The following GAD1 variants were observed in gnomAD, a reference collection of about 807,000 sequenced individuals.
GAD1 encodes glutamate decarboxylase 1, also known as 67 kDa glutamic acid decarboxylase.
Under a neutral mutation model 75.2 loss-of-function variants are expected in GAD1, and 35 were observed. The observed-to-expected ratio is 0.47, with a 90% CI of 0.36 to 0.62. GAD1 has a LOEUF of 0.62. Ranked by LOEUF, GAD1 falls within the 20% of genes least tolerant of loss-of-function variation. The probability of loss-of-function intolerance (pLI) is 0.00; values close to 1 mark genes in which losing one functional copy is unlikely to be tolerated. For synonymous variants in GAD1, 257 were observed against 271.9 expected (o/e 0.95, Z 0.54); for missense variants, 490 against 758.5 (o/e 0.65, Z 4.16).
upstream of GAD1, among the ~76,000 whole-genome samples, chr2:170,815,944 G>T (rs906864429): frequency 6.6e-6 from 1 of 152,220 alleles, no homozygotes; most frequent in Non-Finnish European, 1.5e-5. Flanking sequence ...TTTTTACGGC[G>T]AGGGGCTTCT....
At chr2:170,839,083 T>C (rs1465649306) in intron 6 of GAD1, among the ~76,000 whole-genome samples, 1 of 152,120 alleles carries the variant, frequency 6.6e-6, no homozygotes, top group Non-Finnish European at 1.5e-5. Flanking sequence ...GACAATTCCT[T>C]CTCCAGTCGG....
At chr2:170,854,694 C>G (rs1306008807) in intron 14 of GAD1, among the ~76,000 whole-genome samples, 1 of 152,198 alleles carries the variant, frequency 6.6e-6, no homozygotes, top group Non-Finnish European at 1.5e-5. Context: ...CGTGAGCCAC[C>G]GCGCCCGGCC....
At chr2:170,824,929 C>CGTGTGTGT (rs56938472) in intron 3 of GAD1, among the ~76,000 whole-genome samples, 29,427 of 149,802 alleles carry the variant, frequency 0.2, 2,875 homozygotes, top group South Asian at 0.27. Context: ...AGCCTACACT[C>CGTGTGTGT]GTGTGTGTGT....
intron 4 of GAD1, 167 bp downstream of exon 4, chr2:170,829,800 C>G: frequency 1.4e-6 from 1 of 726,804 alleles, no homozygotes; most frequent in Non-Finnish European, 2.3e-6. Context: ...GACTCCCTCC[C>G]TCCCTGCTGG....
intron 6 of GAD1, 52 bp downstream of exon 6, chr2:170,836,935 G>A (rs902258931): frequency 7.6e-7 from 1 of 1,314,206 alleles, no homozygotes; most frequent in African/African-American, 1.4e-5. Context: ...ACTATGGCTT[G>A]TTGCTTTAAA....
Position 170,845,545 on chromosome 2 carries a change from G to A in GAD1, c.791G>A (p.Arg264His). The A allele has an allele frequency of 1.2e-6, 2 of 1,614,052 alleles. No individual in the cohort carries two copies. Among genetic ancestry groups the A allele is most frequent in the South Asian group, 1.1e-5 (1 of 91,078 alleles). The change falls in exon 8 of 17, where the codon CGC becomes CAC. Residue 264 changes from arginine (R) to histidine (H), a missense_variant. Physicochemically the swap from Arg to His is conservative, Grantham distance 29. This residue lies in a region of GAD1 where 324 missense variants were observed against 523.9 expected (regional missense o/e 0.62). Coordinates refer to ENST00000358196, the MANE Select transcript of GAD1 (RefSeq NM_000817.3). ...AACATGTACAGCATCATGGCTGCTCGCTACAAGTACTTCCCGGAAGTTAAG... is the reference window on the plus strand; with the variant it reads ...AACATGTACAGCATCATGGCTGCTCACTACAAGTACTTCCCGGAAGTTAAG... ...ISNMYSIMAARYKYFPEVKTK... is the reference protein window; with the variant it reads ...ISNMYSIMAAHYKYFPEVKTK...
At position 170,818,619 on chromosome 2, in the gene GAD1, G is replaced by C; in HGVS notation, c.28G>C (p.Ala10Pro). 1 of 1,614,124 alleles carries C rather than the reference G, an allele frequency of 6.2e-7. No homozygotes were observed. The highest frequency in any genetic ancestry group is 8.5e-7 in the Non-Finnish European group (1 of 1,180,024). The stretch of plus-strand genomic sequence containing the variant: ...GGCGTCTTCGACCCCATCTTCGTCC[G>C]CAACCTCCTCGAACGCGGGAGCGGA... MASSTPSSSATSSNAGADPN... is the reference protein window; with the variant it reads MASSTPSSSPTSSNAGADPN... Residue 10 changes from alanine (A) to proline (P), a missense_variant, in exon 2 of 17, where the codon GCA (alanine) becomes CCA (proline). Physicochemically the swap from Ala to Pro is conservative, Grantham distance 27 (BLOSUM62 -1). Coordinates refer to ENST00000358196, the MANE Select transcript of GAD1 (RefSeq NM_000817.3). This position sits in a 1 kb window ranked among gnomAD's most constrained non-coding sequence, Gnocchi z 5.9.
chr2:170,827,159 G>A (rs1702045029), intron 3 of GAD1, among the ~76,000 whole-genome samples: 1 of 152,180 alleles, frequency 6.6e-6, no homozygotes, highest in South Asian at 2.1e-4. Context: ...TGTGTGGGAG[G>A]ATTCTAATCA....
rs1219702587 is a variant in GAD1, at chr2:170,831,069, C to A, written c.424C>A (p.His142Asn). The change falls in exon 5 of 17, where the codon CAT (histidine) becomes AAT (asparagine). Residue 142 changes from histidine to asparagine, a missense_variant. By Grantham distance (68) the His-to-Asn change is moderately conservative. Transcript: ENST00000358196. The part of the protein sequence containing the change: ...FDRSTKVLDF[H>N]HPHQLLEGME... ...TCGCTCCACCAAGGTGCTGGACTTT[C>A]ATCACCCACACCAGTTGCTGGAAGG... The A allele has an allele frequency of 6.2e-7, 1 of 1,614,090 alleles. No individual in the cohort carries two copies. Among genetic ancestry groups the A allele is most frequent in the Non-Finnish European group, 8.5e-7 (1 of 1,180,036 alleles).
intron 3 of GAD1, among the ~76,000 whole-genome samples, chr2:170,827,337 C>A (rs544586084): frequency 4.0e-4 from 61 of 152,338 alleles, no homozygotes; most frequent in African/African-American, 1.4e-3. Flanking sequence ...TTGGTATTTA[C>A]AGAAACAGCT....
upstream of GAD1, among the ~76,000 whole-genome samples, chr2:170,813,639 C>T (rs1286423484): frequency 1.8e-4 from 27 of 152,072 alleles, no homozygotes; most frequent in Non-Finnish European, 5.9e-5. Flanking sequence ...CCCGTTTGGG[C>T]GCTCCTTCAA....
intron 6 of GAD1, chr2:170,843,795 T>C: frequency 2.0e-6 from 1 of 497,216 alleles, no homozygotes. Flanking sequence ...TCCATTCAGA[T>C]AAGAATCTAT....
chr2:170,842,854 C>A, intron 6 of GAD1: 1 of 823,594 alleles, frequency 1.2e-6, no homozygotes, highest in Non-Finnish European at 1.8e-6. Flanking sequence ...AGTAGCTTCA[C>A]CTGTGTCTTA....
At chr2:170,856,570 G>T (rs1252484691) in intron 14 of GAD1, among the ~76,000 whole-genome samples, 4 of 152,160 alleles carry the variant, frequency 2.6e-5, no homozygotes, top group Non-Finnish European at 5.9e-5. Flanking sequence ...TTAGAAAAAT[G>T]AAATTTAAAA....
rs3838553 is a variant in GAD1 at position 170,819,291 on chromosome 2, GAAATAAAT to G, written c.82+636_82+643del. Among the ~76,000 whole-genome samples, 1,077 of 149,766 alleles carry G rather than the reference GAAATAAAT, an allele frequency of 7.2e-3. 9 individuals carry two copies. Among genetic ancestry groups the G allele is most frequent in the Middle Eastern group, 0.031 (9 of 294 alleles). On this transcript the variant is annotated intron_variant, in intron 2 of 16. Transcript: ENST00000358196. ...TTCATACAATTAATTACATCTCAGA[GAAATAAAT>G]AAATAAATAAATAAATAGGGGAGCG...
Position 170,818,878 on chromosome 2 carries a change from GA to G in GAD1, c.82+206del, listed in dbSNP as rs1334500509. On this transcript the variant is annotated intron_variant, in intron 2 of 16. Coordinates refer to ENST00000358196, the MANE Select transcript of GAD1 (RefSeq NM_000817.3). The surrounding 1 kb of genome is among the most constrained non-coding windows in gnomAD (Gnocchi z 5.9). The stretch of plus-strand genomic sequence containing the variant: ...GACTCCCAGGGCACCGGAAAGCGAG[GA>G]CCACGCAAGGTCCGAGCAGCGGCGA... Among the ~76,000 whole-genome samples the G allele has an allele frequency of 3.3e-5, 5 of 151,736 alleles. No individual in the cohort carries two copies. Among genetic ancestry groups the G allele is most frequent in the Admixed American group, 1.3e-4 (2 of 15,252 alleles).
chr2:170,822,537 G>A (rs1701916913), intron 3 of GAD1, among the ~76,000 whole-genome samples: 1 of 152,238 alleles, frequency 6.6e-6, no homozygotes, highest in South Asian at 2.1e-4. Flanking sequence ...CGTAGAAAAG[G>A]TGAACTGATC....
intron 5 of GAD1, among the ~76,000 whole-genome samples, chr2:170,834,711 A>C (rs1342924210): frequency 1.3e-5 from 2 of 151,786 alleles, no homozygotes; most frequent in African/African-American, 4.8e-5. Context: ...CATCACCTAC[A>C]TTACATGAAA....
At chr2:170,847,550 C>T (rs909704215) in intron 10 of GAD1, 126 bp from the exon 11 acceptor site, 40 of 771,122 alleles carry the variant, frequency 5.2e-5, no homozygotes, top group South Asian at 4.2e-4. Context: ...GACATAGTAT[C>T]TGGTAATACA....
Sources: allele counts gnomAD v4.1 joint callset (sites outside exome capture counted in the v4.1 genomes callset), GRCh38; gene constraint gnomAD v4.1.1; regional missense constraint gnomAD v4.1.1; non-coding constraint Gnocchi (gnomAD v3.1); transcripts MANE v1.5; gene names NCBI Gene and HGNC (gene_info 2026-07-23, HGNC 2026-07-21).